Variants in OR51B5 observed in about 807,000 individuals in gnomAD.
OR51B5 encodes the protein olfactory receptor 51B5.
For missense variants in OR51B5, 456 were observed against 374.6 expected, an observed-to-expected ratio of 1.22 and a Z score of -1.79; for synonymous variants, 186 against 144.8, an observed-to-expected ratio of 1.28 and a Z score of -2.04.
chr11:5,354,209 A>G (rs374754765), intron 1 of OR51B5, among the ~76,000 whole-genome samples: 22 of 152,194 alleles, frequency 1.4e-4, no homozygotes, highest in African/African-American at 4.8e-4. Flanking sequence ...TGGGCAATGT[A>G]TACTTAATCC....
chr11:5,350,465 C>T (rs1157109652), intron 1 of OR51B5, among the ~76,000 whole-genome samples: 1 of 152,152 alleles, frequency 6.6e-6, no homozygotes, highest in Admixed American at 6.6e-5. Flanking sequence ...TTCTCTGGCT[C>T]ATGCCACCAA....
intron 1 of OR51B5, among the ~76,000 whole-genome samples, chr11:5,436,664 G>A (rs1427735813): frequency 2.6e-5 from 4 of 152,222 alleles, no homozygotes; most frequent in Non-Finnish European, 5.9e-5. Flanking sequence ...AGTGAGGTTT[G>A]AGGATTTTTA....
At chr11:5,452,171 CTG>C (rs931107271) in intron 1 of OR51B5, among the ~76,000 whole-genome samples, 22 of 152,002 alleles carry the variant, frequency 1.4e-4, no homozygotes, top group Middle Eastern at 3.4e-3. Context: ...TCAGTGCAGA[CTG>C]AGAGTATGAG....
chr11:5,424,950 C>G (rs1272891185), intron 1 of OR51B5, among the ~76,000 whole-genome samples: 1 of 99,604 alleles, frequency 1.0e-5, no homozygotes, highest in Admixed American at 1.1e-4. Context: ...CCACTGCACT[C>G]CAGCCTGGGC....
At chr11:5,426,341 G>A (rs1225379168) in intron 1 of OR51B5, among the ~76,000 whole-genome samples, 3 of 152,088 alleles carry the variant, frequency 2.0e-5, no homozygotes, top group African/African-American at 7.2e-5. Context: ...CAGCATTACA[G>A]GATGAAGTTT....
At chr11:5,422,389 G>C in intron 1 of OR51B5, 1 of 1,614,134 alleles carries the variant, frequency 6.2e-7, no homozygotes, top group East Asian at 2.2e-5. Flanking sequence ...GCATGTATCT[G>C]TTTCTCTCCA....
At chr11:5,373,853 C>A (rs765811317) in intron 1 of OR51B5, among the ~76,000 whole-genome samples, 55 of 152,164 alleles carry the variant, frequency 3.6e-4, no homozygotes, top group Non-Finnish European at 6.5e-4. Context: ...GACCCCACCA[C>A]AGCTCAAGGA....
At chr11:5,413,054 A>G (rs1213409293) in intron 1 of OR51B5, among the ~76,000 whole-genome samples, 1 of 152,088 alleles carries the variant, frequency 6.6e-6, no homozygotes, top group Non-Finnish European at 1.5e-5. Flanking sequence ...GCAGACTGAC[A>G]CCTCACACGG....
chr11:5,483,414 G>A (rs1183052685), intron 1 of OR51B5, among the ~76,000 whole-genome samples: 5 of 143,932 alleles, frequency 3.5e-5, no homozygotes, highest in African/African-American at 5.2e-5. Flanking sequence ...GCTAGATGAC[G>A]AGTTAGTGGG....
intron 1 of OR51B5, chr11:5,441,656 A>G (rs1850691261): frequency 6.0e-6 from 4 of 662,584 alleles, no homozygotes; most frequent in Non-Finnish European, 7.6e-6. Context: ...TAAGACACTC[A>G]TCTCTTTAAG....
chr11:5,464,424 G>A (rs953365272), intron 1 of OR51B5, among the ~76,000 whole-genome samples: 11 of 151,354 alleles, frequency 7.3e-5, no homozygotes, highest in Non-Finnish European at 1.2e-4. Context: ...ATCTCCCAAT[G>A]CTATCCCTCC....
At chr11:5,347,952 A>G (rs1006188691), upstream of OR51B5, among the ~76,000 whole-genome samples, 3 of 152,170 alleles carry the variant, frequency 2.0e-5, no homozygotes, top group Admixed American at 6.5e-5. Context: ...TGTGAGATAC[A>G]TGACTATGGA....
intron 1 of OR51B5, among the ~76,000 whole-genome samples, chr11:5,464,894 G>A (rs1851113492): frequency 6.6e-6 from 1 of 152,122 alleles, no homozygotes. Context: ...CTAGTTTACA[G>A]TCCCACCAAC....
intron 1 of OR51B5, chr11:5,453,579 C>T: frequency 6.2e-7 from 1 of 1,613,048 alleles, no homozygotes; most frequent in Non-Finnish European, 8.5e-7. Flanking sequence ...GTCAGGGCCC[C>T]TCTGCGTGAT....
intron 1 of OR51B5, chr11:5,422,389 G>T: frequency 6.2e-7 from 1 of 1,614,134 alleles, no homozygotes; most frequent in African/African-American, 1.3e-5. Context: ...GCATGTATCT[G>T]TTTCTCTCCA....
chr11:5,418,408 T>A (rs1850274035), intron 1 of OR51B5, among the ~76,000 whole-genome samples: 1 of 122,282 alleles, frequency 8.2e-6, no homozygotes, highest in Non-Finnish European at 2.0e-5. Flanking sequence ...AGTATAATAA[T>A]AATAAAAACA....
At chr11:5,346,286 T>A (rs535837169), upstream of OR51B5, 1 of 152,158 alleles carries the variant, frequency 6.6e-6, no homozygotes, top group Non-Finnish European at 1.5e-5. Flanking sequence ...ATAATAGTGA[T>A]CTATGGAATC....
chr11:5,459,357 T>C (rs1277340845), intron 1 of OR51B5, among the ~76,000 whole-genome samples: 2 of 152,174 alleles, frequency 1.3e-5, no homozygotes, highest in Admixed American at 6.5e-5. Flanking sequence ...TTAAGTTTGC[T>C]AGCATTTTGT....
At chr11:5,366,541 G>A (rs147600387) in intron 1 of OR51B5, among the ~76,000 whole-genome samples, 16,832 of 151,968 alleles carry the variant, frequency 0.11, 1,056 homozygotes, top group South Asian at 0.15. Context: ...CCTGGGAGGC[G>A]GAGGTTGCAG....
Sources: allele counts gnomAD v4.1 joint callset (sites outside exome capture counted in the v4.1 genomes callset), GRCh38; gene constraint gnomAD v4.1.1; transcripts MANE v1.5; gene names NCBI Gene and HGNC (gene_info 2026-07-23, HGNC 2026-07-21).